The following RIN3 variants were observed in gnomAD, a reference collection of about 807,000 sequenced individuals.
The protein encoded by RIN3 is RAB5 interacting protein 3.
RIN3 carries 54 observed loss-of-function variants against 76.3 expected under a neutral mutation model. The ratio of observed to expected loss-of-function variants is 0.71; its 90% CI spans 0.57 to 0.89. The LOEUF is 0.89. Ranked by LOEUF, RIN3 falls within the 40% of genes least tolerant of loss-of-function variation. RIN3 has a pLI of 0.00. For synonymous variants in RIN3, 576 were observed against 564.0 expected, an observed-to-expected ratio of 1.02 and a Z score of -0.30; for missense variants, 1,256 against 1,322.1, an observed-to-expected ratio of 0.95 and a Z score of 0.78.
At chr14:92,587,049 G>A (rs1884802303) in intron 3 of RIN3, among the ~76,000 whole-genome samples, 1 of 152,224 alleles carries the variant, frequency 6.6e-6, no homozygotes, top group Non-Finnish European at 1.5e-5. Flanking sequence ...CAAAGTTGAG[G>A]CTAGAAGGTG....
chr14:92,645,188 C>T (rs2072636754), intron 5 of RIN3: 1 of 152,274 alleles, frequency 6.6e-6, no homozygotes. Context: ...GACCACTGTT[C>T]TTCATTCAGA....
chr14:92,596,354 G>A (rs890403996), intron 3 of RIN3, among the ~76,000 whole-genome samples: 1 of 152,292 alleles, frequency 6.6e-6, no homozygotes, highest in East Asian at 1.9e-4. Context: ...TGGCCCGTCT[G>A]TCTTCATAAC....
At chr14:92,644,379 A>G (rs979537966) in intron 5 of RIN3, 1 of 150,656 alleles carries the variant, frequency 6.6e-6, no homozygotes, top group Non-Finnish European at 1.5e-5. Flanking sequence ...GCAAGAGCAC[A>G]GCTTCTCCTA....
chr14:92,616,717 C>T (rs1242863920), intron 4 of RIN3, among the ~76,000 whole-genome samples: 2 of 150,862 alleles, frequency 1.3e-5, no homozygotes, highest in Non-Finnish European at 3.0e-5. Context: ...GGTGTATTCA[C>T]CTGCAAATGG....
intron 1 of RIN3, among the ~76,000 whole-genome samples, chr14:92,533,610 C>T (rs1896931189): frequency 1.3e-5 from 2 of 152,100 alleles, no homozygotes; most frequent in African/African-American, 4.8e-5. Flanking sequence ...AGTGAAGTAA[C>T]TCAGGGATGG....
intron 7 of RIN3, among the ~76,000 whole-genome samples, chr14:92,675,813 C>T (rs935682214): frequency 6.6e-6 from 1 of 152,224 alleles, no homozygotes; most frequent in Non-Finnish European, 1.5e-5. Flanking sequence ...CTTCCACCCT[C>T]CTTCCTGCCA....
intron 4 of RIN3, among the ~76,000 whole-genome samples, chr14:92,630,824 G>T (rs1241763121): frequency 6.6e-6 from 1 of 152,216 alleles, no homozygotes; most frequent in Non-Finnish European, 1.5e-5. Context: ...ATAGTCCCAG[G>T]CTGGGAGTTG....
At chr14:92,641,972 A>T (rs937158595) in intron 5 of RIN3, among the ~76,000 whole-genome samples, 4 of 152,238 alleles carry the variant, frequency 2.6e-5, no homozygotes, top group African/African-American at 9.6e-5. Context: ...GTGCCTACCT[A>T]GAATTAGGGC....
chr14:92,526,258 C>G (rs554788503), intron 1 of RIN3, among the ~76,000 whole-genome samples: 1 of 151,946 alleles, frequency 6.6e-6, no homozygotes, highest in Non-Finnish European at 1.5e-5. Flanking sequence ...GAGTTCGAGA[C>G]CAGCCTGGGC....
In RIN3 at chr14:92,619,838, G is replaced by A. The variant is rs564975329; in HGVS notation, c.440+4359G>A. Among the ~76,000 whole-genome samples the A allele has an allele frequency of 5.9e-5, 9 of 152,168 alleles. No homozygotes were observed. The South Asian group carries it at 1.7e-3, about 28-fold the overall frequency. On this transcript the variant is annotated intron_variant, in intron 4 of 9. Coordinates refer to ENST00000216487, the MANE Select transcript of RIN3 (RefSeq NM_024832.5). ...CATAGCTAGAAGCGTGGCCAACTCC[G>A]CATGTCCCCAGGCCTTACCTAGCTG...
intron 7 of RIN3, among the ~76,000 whole-genome samples, chr14:92,673,013 T>C (rs1888339227): frequency 6.6e-6 from 1 of 151,988 alleles, no homozygotes; most frequent in South Asian, 2.1e-4. Context: ...CCAGGCATGG[T>C]GGCTCACGTC....
In RIN3 at chr14:92,681,045, A is replaced by C. The variant is rs1417038637; in HGVS notation, c.2468-3942A>C. On this transcript the variant is annotated intron_variant, in intron 8 of 9. Transcript: ENST00000216487. This position sits in a 1 kb window ranked among gnomAD's most constrained non-coding sequence, Gnocchi z 4.7. Reference sequence around the variant, plus strand: ...GGCACCTTGCTGGAGCCAGCCCAGAATCTTAACCTCTGCTAAAATCCTGGC... The same window carrying C: ...GGCACCTTGCTGGAGCCAGCCCAGACTCTTAACCTCTGCTAAAATCCTGGC... 2.0e-5 allele frequency among the ~76,000 whole-genome samples: 3 copies of C among 152,150 alleles called. No individual in the cohort carries two copies. Among genetic ancestry groups the C allele is most frequent in the African/African-American group, 7.2e-5 (3 of 41,416 alleles).
intron 1 of RIN3, among the ~76,000 whole-genome samples, chr14:92,523,402 G>A (rs1258987760): frequency 3.3e-5 from 5 of 152,234 alleles, no homozygotes; most frequent in Admixed American, 1.3e-4. Context: ...GTGAGCCACC[G>A]TGCCTAGCCA....
intron 3 of RIN3, among the ~76,000 whole-genome samples, chr14:92,590,673 C>A (rs767974825): frequency 6.6e-6 from 1 of 152,110 alleles, no homozygotes; most frequent in Non-Finnish European, 1.5e-5. Flanking sequence ...GCAAGAATGG[C>A]CTAATACCAG....
rs10467864 is a variant in RIN3 at position 92,540,557 on chromosome 14, T to A, written c.45-15194T>A. Among the ~76,000 whole-genome samples the A allele has an allele frequency of 1.9e-4, 29 of 152,248 alleles. 1 individual carries two copies. In the South Asian group the frequency reaches 5.0e-3, roughly 26 times the overall value. On this transcript the variant is annotated intron_variant, in intron 1 of 9. Coordinates refer to ENST00000216487, the MANE Select transcript of RIN3 (RefSeq NM_024832.5). ...GAGATCCTAGTTCTGAAACTGCTAC[T>A]TCTCTTCCATCCCCACGGGACCTCC...
chr14:92,606,934 T>C (rs1885548539), intron 3 of RIN3, among the ~76,000 whole-genome samples: 1 of 152,216 alleles, frequency 6.6e-6, no homozygotes, highest in African/African-American at 2.4e-5. Flanking sequence ...CAAAAACGTG[T>C]ACACAAATGT....
chr14:92,550,135 C>G (rs1054145580), intron 1 of RIN3, among the ~76,000 whole-genome samples: 2 of 152,238 alleles, frequency 1.3e-5, no homozygotes, highest in Non-Finnish European at 2.9e-5. Flanking sequence ...GTGTCACCCA[C>G]TCTGGGCACT....
At chr14:92,677,447 G>T (rs1888507527) in intron 8 of RIN3, among the ~76,000 whole-genome samples, 1 of 152,214 alleles carries the variant, frequency 6.6e-6, no homozygotes. Context: ...GAGATGAGCA[G>T]ACCCTCTTTG....
rs1888796850 is a variant in RIN3, at chr14:92,685,002, C to T, written c.2483C>T (p.Thr828Ile). 6.2e-7 allele frequency: 1 copy of T among 1,613,396 alleles called. No homozygotes were observed. The highest frequency in any genetic ancestry group is 1.1e-5 in the South Asian group (1 of 91,072). The change falls in exon 9 of 10, where the codon ACC becomes ATC. Residue 828 changes from threonine to isoleucine, a missense_variant. Thr to Ile is a moderately conservative substitution (Grantham distance 89). This residue lies in a region of RIN3 where 428 missense variants were observed against 521.2 expected (regional missense o/e 0.82). Coordinates refer to ENST00000216487, the MANE Select transcript of RIN3 (RefSeq NM_024832.5). This position sits in a 1 kb window ranked among gnomAD's most constrained non-coding sequence, Gnocchi z 4.7. ...LQLGEGSYYL[T>I]TTYGALEHIK... is the part of the protein sequence containing the mutation. The stretch of plus-strand genomic sequence containing the variant: ...GTCCACGCAGGTTCCTACTATCTGA[C>T]CACCACCTACGGGGCCCTGGAGCAC...
Sources: gnomAD v4.1 joint callset for allele counts (sites outside exome capture counted in the v4.1 genomes callset) on GRCh38, gnomAD v4.1.1 for gene constraint, gnomAD v4.1.1 regional missense constraint, Gnocchi (gnomAD v3.1) non-coding constraint, MANE v1.5 for transcripts, NCBI Gene and HGNC (gene_info 2026-07-23, HGNC 2026-07-21) for gene names.